The following GRIK1 variants were observed in gnomAD, a reference collection of about 807,000 sequenced individuals.
GRIK1 encodes glutamate ionotropic receptor kainate type subunit 1.
Under a neutral mutation model 105.7 loss-of-function variants are expected in GRIK1, and 69 were observed. The observed-to-expected ratio is 0.65, with a 90% CI of 0.54 to 0.80. The LOEUF (loss-of-function observed/expected upper bound fraction) is 0.80, where lower values mean the gene tolerates loss of function less well. GRIK1 is among the 30% of genes least tolerant of loss of function. The pLI is 0.00. For missense variants in GRIK1, 1,109 were observed against 1,167.3 expected (o/e 0.95, Z 0.73); for synonymous variants, 438 against 431.3 (o/e 1.02, Z -0.19).
intron 1 of GRIK1, among the ~76,000 whole-genome samples, chr21:29,812,500 G>A (rs978315634): frequency 1.3e-5 from 2 of 152,102 alleles, no homozygotes; most frequent in African/African-American, 4.8e-5. Context: ...CTGGTAATGA[G>A]TTACTTCCAA....
chr21:29,658,221 G>T (rs201311043), intron 4 of GRIK1, among the ~76,000 whole-genome samples: 1 of 151,916 alleles, frequency 6.6e-6, no homozygotes, highest in East Asian at 1.9e-4. Flanking sequence ...CCTCCGAATT[G>T]CTTCCACTAA....
In GRIK1 at chr21:29,560,384, C is replaced by CTTTTT. The variant is rs1568813853; in HGVS notation, c.2356+1239_2356+1240insAAAAA. Among the ~76,000 whole-genome samples the CTTTTT allele has an allele frequency of 3.5e-4, 18 of 51,042 alleles. 2 individuals are homozygous for CTTTTT. The highest frequency in any genetic ancestry group is 4.7e-4 in the Admixed American group (2 of 4,224). 33.5% of individuals were successfully genotyped at this position (51,042 alleles called of 152,430 possible). A position where few individuals can be genotyped will look rare whatever the true frequency, so the allele number is the denominator to read the frequency against. ...TTCTTTCTTCCTTCCTTCCTTCCTT[C>CTTTTT]CTTCCTTCCTTCCTTCCTTTCTTTC... On this transcript the variant is annotated intron_variant, in intron 15 of 17. Transcript: ENST00000327783.
chr21:29,683,439 C>G (rs1163496108), intron 3 of GRIK1, among the ~76,000 whole-genome samples: 4 of 152,218 alleles, frequency 2.6e-5, no homozygotes, highest in African/African-American at 9.6e-5. Context: ...GAATACTATG[C>G]AGCTATAAAA....
chr21:29,817,399 T>A (rs1201769375), intron 1 of GRIK1, among the ~76,000 whole-genome samples: 1 of 152,154 alleles, frequency 6.6e-6, no homozygotes, highest in African/African-American at 2.4e-5. Flanking sequence ...GATTTCATGA[T>A]CATTACTTAA....
chr21:29,832,003 C>G (rs1437913540), intron 1 of GRIK1, among the ~76,000 whole-genome samples: 1 of 152,212 alleles, frequency 6.6e-6, no homozygotes, highest in Non-Finnish European at 1.5e-5. Context: ...TGGGTATACA[C>G]ACACATTCCA....
chr21:29,807,846 A>G (rs1490654709), intron 1 of GRIK1, among the ~76,000 whole-genome samples: 1 of 152,086 alleles, frequency 6.6e-6, no homozygotes, highest in Non-Finnish European at 1.5e-5. Flanking sequence ...GTCAAGGTTG[A>G]GTTGTGGATT....
At chr21:29,560,323 CTTT>C (rs1288019296) in intron 15 of GRIK1, among the ~76,000 whole-genome samples, 2 of 121,526 alleles carry the variant, frequency 1.6e-5, no homozygotes, top group Admixed American at 8.8e-5. Flanking sequence ...TTCTTTCTTT[CTTT>C]CTTTCTTTCT....
intron 14 of GRIK1, among the ~76,000 whole-genome samples, chr21:29,575,823 C>T (rs2090879476): frequency 6.6e-6 from 1 of 152,108 alleles, no homozygotes; most frequent in Admixed American, 6.5e-5. Flanking sequence ...CAGAGCGAGA[C>T]TCCATCTCAA....
At chr21:29,890,309 A>G (rs536775906) in intron 1 of GRIK1, among the ~76,000 whole-genome samples, 47 of 152,302 alleles carry the variant, frequency 3.1e-4, no homozygotes, top group African/African-American at 1.1e-3. Context: ...ATCAATATGT[A>G]AAATAAATCA....
At chr21:29,791,549 G>A (rs1020443173) in intron 1 of GRIK1, among the ~76,000 whole-genome samples, 1 of 152,120 alleles carries the variant, frequency 6.6e-6, no homozygotes, top group African/African-American at 2.4e-5. Flanking sequence ...GTAGTTCAAT[G>A]GGCCTGAAAT....
chr21:29,929,261 A>G (rs1425180542), intron 1 of GRIK1, among the ~76,000 whole-genome samples: 1 of 152,204 alleles, frequency 6.6e-6, no homozygotes, highest in Non-Finnish European at 1.5e-5. Flanking sequence ...ATTCCAGTGC[A>G]CTTTTCACTA....
chr21:29,766,128 C>T (rs1001350215), intron 1 of GRIK1, among the ~76,000 whole-genome samples: 1 of 152,136 alleles, frequency 6.6e-6, no homozygotes, highest in African/African-American at 2.4e-5. Flanking sequence ...GGATTACAGG[C>T]ATGAGCCACC....
chr21:29,921,552 C>T (rs1000039591), intron 1 of GRIK1, among the ~76,000 whole-genome samples: 1 of 152,074 alleles, frequency 6.6e-6, no homozygotes, highest in Non-Finnish European at 1.5e-5. Context: ...ACTCAGGTTC[C>T]CTTCGTTTTT....
At chr21:29,550,618 G>T (rs535758009) in intron 16 of GRIK1, among the ~76,000 whole-genome samples, 1 of 152,254 alleles carries the variant, frequency 6.6e-6, no homozygotes, top group South Asian at 2.1e-4. Context: ...CTTCTTTCGA[G>T]TGCAGTGACC....
At chr21:29,820,858 G>A (rs1341663928) in intron 1 of GRIK1, among the ~76,000 whole-genome samples, 1 of 151,926 alleles carries the variant, frequency 6.6e-6, no homozygotes, top group East Asian at 1.9e-4. Flanking sequence ...GGCACAGGGA[G>A]GTCAAAAACC....
intron 1 of GRIK1, among the ~76,000 whole-genome samples, chr21:29,863,735 G>A (rs1035229023): frequency 1.3e-5 from 2 of 152,076 alleles, no homozygotes; most frequent in Admixed American, 1.3e-4. Context: ...TATGGTTCAC[G>A]GTGGAGGAAT....
At chr21:29,885,389 T>C (rs748173599) in intron 1 of GRIK1, among the ~76,000 whole-genome samples, 12 of 152,056 alleles carry the variant, frequency 7.9e-5, no homozygotes, top group Non-Finnish European at 1.5e-4. Context: ...GGGACTCAGA[T>C]GGATGGAATT....
At chr21:29,667,053 T>G (rs2146621888) in intron 4 of GRIK1, among the ~76,000 whole-genome samples, 1 of 152,360 alleles carries the variant, frequency 6.6e-6, no homozygotes, top group South Asian at 2.1e-4. Context: ...ACGGTACGTG[T>G]TCAGTATAAA....
intron 1 of GRIK1, among the ~76,000 whole-genome samples, chr21:29,731,795 T>A (rs1184225065): frequency 6.6e-6 from 1 of 152,166 alleles, no homozygotes; most frequent in Non-Finnish European, 1.5e-5. Context: ...TTAAAATGAG[T>A]TATCCATTTG....
Sources: gnomAD v4.1 joint callset for allele counts (sites outside exome capture counted in the v4.1 genomes callset) on GRCh38, gnomAD v4.1.1 for gene constraint, MANE v1.5 for transcripts, NCBI Gene and HGNC (gene_info 2026-07-23, HGNC 2026-07-21) for gene names.